Variants in ANAPC16 observed in about 807,000 individuals in gnomAD.
ANAPC16 encodes the protein anaphase-promoting complex subunit 16.
A neutral mutation model predicts 13.1 loss-of-function variants in ANAPC16; 6 were observed. The ratio of observed to expected loss-of-function variants is 0.46; its 90% CI spans 0.25 to 0.90. ANAPC16 has a LOEUF of 0.90. ANAPC16 is among the 40% of genes least tolerant of loss of function. The pLI is 0.18. For synonymous variants in ANAPC16, 55 were observed against 51.3 expected (o/e 1.07, Z -0.31); for missense variants, 113 against 131.1 (o/e 0.86, Z 0.67).
chr10:72,223,729 G>C, intron 1 of ANAPC16, 159 bp from the exon 2 acceptor site: 1 of 492,926 alleles, frequency 2.0e-6, no homozygotes, highest in Non-Finnish European at 3.4e-6. Flanking sequence ...TGATATTTTG[G>C]CCTGAGACAT....
chr10:72,223,222 C>A (rs1466669416), intron 1 of ANAPC16: 2 of 151,534 alleles, frequency 1.3e-5, no homozygotes, highest in Non-Finnish European at 2.9e-5. Flanking sequence ...ACCACCACGC[C>A]CTGCTAAATT....
At chr10:72,218,157 AAAAAAAAAATATATATATATATATAT>A (rs1174895740) in intron 1 of ANAPC16, among the ~76,000 whole-genome samples, 7 of 50,288 alleles carry the variant, frequency 1.4e-4, no homozygotes, top group African/African-American at 5.4e-4. Flanking sequence ...AAAAAAAAAA[AAAAAAAAAATATATATATATATATAT>A]ATATATATAT....
chr10:72,217,198 G>T, intron 1 of ANAPC16: 1 of 382,460 alleles, frequency 2.6e-6, no homozygotes, highest in Admixed American at 3.1e-5. Context: ...GTGTAGGCCG[G>T]GCGCGGTGGC....
At chr10:72,230,218 T>G (rs1860252621) in intron 2 of ANAPC16, 148 bp from the exon 3 acceptor site, 1 of 580,024 alleles carries the variant, frequency 1.7e-6, no homozygotes. Flanking sequence ...CAGTCTTAGT[T>G]CTAAATGAAG....
Position 72,224,031 on chromosome 10 carries a change from C to G in ANAPC16, c.117C>G (p.Pro39=), listed in dbSNP as rs771325361. The part of the protein sequence containing the change: ...APPRKALFTY[P]KGAGEMLEDG... ...CACGGAAAGCCCTTTTCACCTACCC[C>G]AAAGGAGCTGGAGAGATGTTAGAAG... The change falls in exon 2 of 4, where the codon CCC becomes CCG. Residue 39 remains proline, a synonymous_variant. Coordinates refer to ENST00000299381, the MANE Select transcript of ANAPC16 (RefSeq NM_173473.4). The G allele has an allele frequency of 6.2e-7, 1 of 1,610,230 alleles. No individual in the cohort carries two copies. The highest frequency in any genetic ancestry group is 1.1e-5 in the South Asian group (1 of 90,872).
At chr10:72,216,347 C>G (rs928211195) in intron 1 of ANAPC16, 4 of 171,554 alleles carry the variant, frequency 2.3e-5, no homozygotes, top group African/African-American at 7.2e-5. Context: ...AGTGGGACAG[C>G]GCCGATGGCG....
chr10:72,233,144 G>A lies in ANAPC16; in HGVS notation c.*28G>A, dbSNP rs200589401. ...CTGCCTGGATGGTCACCTCTGGTGC[G>A]CAGCAAGTGCAAAGCCAGTGGGGGA... On this transcript the variant is annotated 3_prime_UTR_variant, in exon 4 of 4. Coordinates refer to ENST00000299381, the MANE Select transcript of ANAPC16 (RefSeq NM_173473.4). 6.6e-5 allele frequency: 105 copies of A among 1,581,194 alleles called. No individual in the cohort carries two copies. The highest frequency in any genetic ancestry group is 7.6e-5 in the Non-Finnish European group (88 of 1,151,606).
intron 1 of ANAPC16, among the ~76,000 whole-genome samples, chr10:72,222,273 C>T (rs868078366): frequency 5.7e-4 from 86 of 151,546 alleles, no homozygotes; most frequent in African/African-American, 2.0e-3. Flanking sequence ...CAAAAATTAG[C>T]TGGGCGTGGT....
At chr10:72,223,789 CTT>C (rs1860028590) in intron 1 of ANAPC16, 97 bp from the exon 2 acceptor site, 4 of 983,600 alleles carry the variant, frequency 4.1e-6, no homozygotes, top group East Asian at 5.4e-5. Context: ...GGAGCTAACT[CTT>C]TACAAAACTG....
At chr10:72,230,254 G>A in intron 2 of ANAPC16, 112 bp from the exon 3 acceptor site, 2 of 751,942 alleles carry the variant, frequency 2.7e-6, no homozygotes, top group Non-Finnish European at 4.5e-6. Context: ...TAAACACTGA[G>A]AACTAGACCC....
chr10:72,225,519 T>A (rs1589713035), intron 2 of ANAPC16, among the ~76,000 whole-genome samples: 1 of 151,772 alleles, frequency 6.6e-6, no homozygotes, highest in South Asian at 2.1e-4. Context: ...GAGTTCAAGG[T>A]TGCATTGAGC....
At chr10:72,217,574 A>T (rs1456331634) in intron 1 of ANAPC16, among the ~76,000 whole-genome samples, 3 of 151,990 alleles carry the variant, frequency 2.0e-5, no homozygotes, top group Admixed American at 2.0e-4. Flanking sequence ...ACTCTGTTAG[A>T]TGGAGAGAAT....
chr10:72,226,219 A>G (rs1395812363), intron 2 of ANAPC16, among the ~76,000 whole-genome samples: 1 of 151,530 alleles, frequency 6.6e-6, no homozygotes, highest in Non-Finnish European at 1.5e-5. Flanking sequence ...GGGTTTCGCC[A>G]TGTTGCCCAG....
chr10:72,217,063 C>T (rs1488962348), intron 1 of ANAPC16: 2 of 453,948 alleles, frequency 4.4e-6, no homozygotes, highest in Admixed American at 2.4e-5. Flanking sequence ...TTCATTCATC[C>T]GAAATGCTCG....
intron 1 of ANAPC16, among the ~76,000 whole-genome samples, chr10:72,222,447 A>T (rs57563706): frequency 0.082 from 12,110 of 148,228 alleles, 1,332 homozygotes; most frequent in African/African-American, 0.25. Flanking sequence ...AGACTGAGCA[A>T]CATAGCAAGA....
Position 72,223,945 on chromosome 10 carries a change from G to A in ANAPC16, c.31G>A (p.Gly11Ser). 6.2e-7 allele frequency: 1 copy of A among 1,609,250 alleles called. No homozygotes were observed. The highest frequency in any genetic ancestry group is 8.5e-7 in the Non-Finnish European group (1 of 1,176,276). Residue 11 changes from glycine to serine, a missense_variant, in exon 2 of 4, where the codon GGT becomes AGT. Coordinates refer to ENST00000299381, the MANE Select transcript of ANAPC16 (RefSeq NM_173473.4). The stretch of plus-strand genomic sequence containing the variant: ...TGCTTCATCATCATCCTCCTCAGCT[G>A]GTGGGGTCAGTGGAAGTTCTGTCAC... MAASSSSSSA[G>S]GVSGSSVTGS...
At chr10:72,230,503 T>C (rs763184901) in intron 3 of ANAPC16, 63 bp downstream of exon 3, 193 of 1,428,296 alleles carry the variant, frequency 1.4e-4, no homozygotes, top group Non-Finnish European at 1.8e-4. Context: ...TGGATGAGGC[T>C]GTGACAAAAA....
intron 1 of ANAPC16, chr10:72,220,341 A>AAAAAAAAAAAG (rs1564790850): frequency 1.3e-4 from 19 of 150,962 alleles, no homozygotes; most frequent in African/African-American, 4.6e-4. Flanking sequence ...AAAAAAAAAA[A>AAAAAAAAAAAG]AAGAAGAGAA....
chr10:72,230,665 C>T (rs183855516), intron 3 of ANAPC16, among the ~76,000 whole-genome samples: 285 of 152,122 alleles, frequency 1.9e-3, no homozygotes, highest in Non-Finnish European at 3.4e-3. Context: ...GAGGCTGAGG[C>T]GGGTGGATCA....
Sources: gnomAD v4.1 joint callset for allele counts (sites outside exome capture counted in the v4.1 genomes callset) on GRCh38, gnomAD v4.1.1 for gene constraint, MANE v1.5 for transcripts, NCBI Gene and HGNC (gene_info 2026-07-23, HGNC 2026-07-21) for gene names.